RANBP2: variants seen among roughly 807,000 people sequenced by gnomAD.
The protein encoded by RANBP2 is RAN binding protein 2, also known as E3 SUMO-protein ligase RanBP2.
A neutral mutation model predicts 303.6 loss-of-function variants in RANBP2; 57 were observed. The ratio of observed to expected loss-of-function variants is 0.19; its 90% CI spans 0.15 to 0.23. The LOEUF (loss-of-function observed/expected upper bound fraction) is 0.23. RANBP2 is among the 10% of genes least tolerant of loss of function. The pLI, the probability that RANBP2 is intolerant of heterozygous loss-of-function variation, is 1.00. For synonymous variants in RANBP2, 1,167 were observed against 1,301.5 expected (o/e 0.90, Z 2.23); for missense variants, 3,138 against 3,780.8 (o/e 0.83, Z 4.46).
At chr2:109,187,295 T>A in the RANBP2 span, among the ~76,000 whole-genome samples, 58 of 152,352 alleles carry the variant, frequency 3.8e-4, no homozygotes, top group African/African-American at 1.3e-3. Context: ...GTGACCTGTT[T>A]AGTCTTTTCT....
chr2:108,720,229 A>G (rs1172104209), intron 1 of RANBP2: 2 of 903,744 alleles, frequency 2.2e-6, no homozygotes, highest in South Asian at 5.3e-5. Flanking sequence ...TGACACTGAA[A>G]GTCCCCTTGT....
chr2:109,595,355 G>A, the RANBP2 span, among the ~76,000 whole-genome samples: 4 of 152,188 alleles, frequency 2.6e-5, no homozygotes, highest in Non-Finnish European at 5.9e-5. Context: ...GCACATCAGA[G>A]ACTAGCCTGA....
Position 108,772,569 on chromosome 2 carries a change from G to A in RANBP2, c.8101G>A (p.Glu2701Lys), listed in dbSNP as rs1420956445. Residue 2701 changes from glutamate to lysine, a missense_variant, in exon 22 of 29, where the codon GAA (glutamate) becomes AAA (lysine). Physicochemically the swap from Glu to Lys is moderately conservative, Grantham distance 56. Transcript: ENST00000283195. The part of the protein sequence containing the change: ...DGSEKCRPLE[E>K]NTADNEKECI... ...CTCAGAAAAATGTAGACCCTTGGAA[G>A]AAAATACAGCAGGTATGTTAAGTGT... The A allele has an allele frequency of 2.5e-6, 4 of 1,613,488 alleles. No homozygotes were observed. The highest frequency in any genetic ancestry group is 2.2e-5 in the East Asian group (1 of 44,802).
chr2:109,068,356 AC>A, the RANBP2 span, among the ~76,000 whole-genome samples: 1 of 151,952 alleles, frequency 6.6e-6, no homozygotes, highest in African/African-American at 2.4e-5. Flanking sequence ...CACCCGAAGA[AC>A]CCCCACCCCA....
the RANBP2 span, chr2:109,544,254 T>C: frequency 1.2e-6 from 2 of 1,613,110 alleles, no homozygotes; most frequent in Non-Finnish European, 1.7e-6. Flanking sequence ...CTTCTAGTTT[T>C]TTTTTAATAA....
downstream of RANBP2, chr2:108,788,810 T>C (rs377636047): frequency 1.6e-5 from 25 of 1,612,384 alleles, no homozygotes; most frequent in Non-Finnish European, 2.0e-5. Flanking sequence ...TTTTGTGATA[T>C]ATTGTTGTGG....
the RANBP2 span, among the ~76,000 whole-genome samples, chr2:109,066,044 TCTC>T: frequency 3.3e-5 from 5 of 151,984 alleles, no homozygotes; most frequent in Non-Finnish European, 7.4e-5. Flanking sequence ...TTCAAGCAAT[TCTC>T]CTGCCTCGGC....
the RANBP2 span, among the ~76,000 whole-genome samples, chr2:109,426,609 A>T: frequency 6.6e-6 from 1 of 152,248 alleles, no homozygotes; most frequent in Non-Finnish European, 1.5e-5. Context: ...CCTGGTGAAG[A>T]TGGTGGGAAC....
the RANBP2 span, among the ~76,000 whole-genome samples, chr2:109,022,648 A>G: frequency 6.6e-6 from 1 of 152,212 alleles, no homozygotes; most frequent in Non-Finnish European, 1.5e-5. Flanking sequence ...CCTAAAGGGT[A>G]TCACACATGC....
At chr2:108,776,095 T>C (rs1233905572) in intron 24 of RANBP2, among the ~76,000 whole-genome samples, 159 bp downstream of exon 24, 1 of 152,120 alleles carries the variant, frequency 6.6e-6, no homozygotes, top group Non-Finnish European at 1.5e-5. Flanking sequence ...CCAGAAAAAT[T>C]ATACTGTGTT....
the RANBP2 span, among the ~76,000 whole-genome samples, chr2:108,831,679 T>C: frequency 6.9e-6 from 1 of 144,800 alleles, no homozygotes; most frequent in Admixed American, 6.9e-5. Context: ...TCTGATTTAG[T>C]AGATCTGATG....
the RANBP2 span, among the ~76,000 whole-genome samples, chr2:109,067,690 C>A: frequency 1.3e-5 from 2 of 152,180 alleles, no homozygotes; most frequent in African/African-American, 4.8e-5. Flanking sequence ...CGGACTCTGC[C>A]CCTGCTCCCC....
intron 5 of RANBP2, 65 bp from the exon 6 acceptor site, chr2:108,736,039 T>A (rs992242808): frequency 3.7e-5 from 60 of 1,611,426 alleles, no homozygotes; most frequent in South Asian, 1.1e-4. Context: ...ATTTGTAGGC[T>A]TAAAATGATT....
At chr2:109,472,781 C>G in the RANBP2 span, among the ~76,000 whole-genome samples, 1 of 152,062 alleles carries the variant, frequency 6.6e-6, no homozygotes, top group Non-Finnish European at 1.5e-5. Flanking sequence ...TGTATTTGTC[C>G]TACAGAAAGC....
chr2:109,565,224 C>A, the RANBP2 span, among the ~76,000 whole-genome samples: 2 of 151,888 alleles, frequency 1.3e-5, no homozygotes, highest in African/African-American at 4.8e-5. Flanking sequence ...GAAAAAAAAT[C>A]AGCATTTGGA....
At chr2:109,407,367 A>C in the RANBP2 span, among the ~76,000 whole-genome samples, 1 of 152,238 alleles carries the variant, frequency 6.6e-6, no homozygotes, top group Non-Finnish European at 1.5e-5. Context: ...GTAAATGAGG[A>C]GAGTTCCTTA....
At chr2:109,075,038 A>G in the RANBP2 span, among the ~76,000 whole-genome samples, 2 of 124,254 alleles carry the variant, frequency 1.6e-5, no homozygotes, top group Non-Finnish European at 3.6e-5. Flanking sequence ...AAAAAAAAAA[A>G]AAAAAAAAAA....
chr2:109,670,843 C>T, the RANBP2 span, among the ~76,000 whole-genome samples: 22 of 151,854 alleles, frequency 1.4e-4, no homozygotes, highest in East Asian at 9.8e-4. Flanking sequence ...AACCACACTT[C>T]GGTTTGGGGG....
the RANBP2 span, chr2:109,449,531 C>A: frequency 6.3e-7 from 1 of 1,591,460 alleles, no homozygotes. Context: ...TCGAGGCCAG[C>A]TGCTTACTGT....
Sources: allele counts gnomAD v4.1 joint callset (sites outside exome capture counted in the v4.1 genomes callset), GRCh38; gene constraint gnomAD v4.1.1; transcripts MANE v1.5; gene names NCBI Gene and HGNC (gene_info 2026-07-23, HGNC 2026-07-21).